SCGB1A1: variants seen among roughly 807,000 people sequenced by gnomAD.
The protein encoded by SCGB1A1 is secretoglobin family 1A member 1.
SCGB1A1 carries 8 observed loss-of-function variants against 7.5 expected under a neutral mutation model. The observed-to-expected ratio is 1.07, with a 90% CI of 0.63 to 1.92. SCGB1A1 has a LOEUF of 1.92. Among genes scored for constraint, SCGB1A1 ranks in the 30% most tolerant of loss-of-function variants. The pLI, the probability that SCGB1A1 is intolerant of heterozygous loss-of-function variation, is 0.00. For synonymous variants in SCGB1A1, 44 were observed against 40.8 expected, an observed-to-expected ratio of 1.08 and a Z score of -0.30; for missense variants, 121 against 112.7, an observed-to-expected ratio of 1.07 and a Z score of -0.33.
chr11:62,419,688 C>A (rs1171084910), intron 1 of SCGB1A1, among the ~76,000 whole-genome samples: 1 of 152,106 alleles, frequency 6.6e-6, no homozygotes, highest in Non-Finnish European at 1.5e-5. Context: ...AACTGCCAAC[C>A]CAGAGTGAAG....
rs1937842633 is a variant in SCGB1A1, at chr11:62,423,087, A to G, written c.272A>G (p.Asn91Ser). ...MEKIAQSSLC[N>S] is the part of the protein sequence containing the mutation. ...AAAATAGCCCAAAGCTCACTGTGTA[A>G]TTAGCATTTAGAAGCTGAAGATCCC... is the stretch of plus-strand genomic sequence containing the variant. The change falls in exon 3 of 3, where the codon AAT becomes AGT. Residue 91 changes from asparagine to serine, a missense_variant. Transcript: ENST00000278282. The G allele has an allele frequency of 6.2e-7, 1 of 1,613,976 alleles. No homozygotes were observed. The highest frequency in any genetic ancestry group is 1.1e-5 in the South Asian group (1 of 91,088).
rs776152457 is a variant in SCGB1A1 at position 62,422,191 on chromosome 11, G to C, written c.56-30G>C. On this transcript the variant is annotated intron_variant, in intron 1 of 2. Coordinates refer to ENST00000278282, the MANE Select transcript of SCGB1A1 (RefSeq NM_003357.5). ...TAGCCAGCTTGGAAAGGGGCCTGGA[G>C]ACATGTGCCTTCTCTCCTCTGTGTT... 1.9e-6 allele frequency: 3 copies of C among 1,576,030 alleles called. No individual in the cohort carries two copies. The East Asian group carries it at 6.8e-5, about 36-fold the overall frequency.
chr11:62,419,286 G>A, intron 1 of SCGB1A1, 136 bp downstream of exon 1: 1 of 645,348 alleles, frequency 1.5e-6, no homozygotes, highest in East Asian at 3.4e-5. Flanking sequence ...CTGAGTCTCA[G>A]AAAACTGGGT....
At chr11:62,422,097 G>A (rs1226809508) in intron 1 of SCGB1A1, 124 bp from the exon 2 acceptor site, 7 of 692,774 alleles carry the variant, frequency 1.0e-5, no homozygotes, top group South Asian at 5.3e-5. Flanking sequence ...CTAGTCCATC[G>A]ATGAAAAGGC....
At chr11:62,422,747 G>A (rs1937833066) in intron 2 of SCGB1A1, among the ~76,000 whole-genome samples, 1 of 152,024 alleles carries the variant, frequency 6.6e-6, no homozygotes, top group South Asian at 2.1e-4. Flanking sequence ...GCTAATTTCT[G>A]TATTTTTGTA....
Position 62,422,481 on chromosome 11 carries a change from T to G in SCGB1A1, c.243+73T>G, listed in dbSNP as rs1267057751. On this transcript the variant is annotated intron_variant, in intron 2 of 2. Transcript: ENST00000278282. Reference sequence around the variant, plus strand: ...GTGGGGCTGCAGGATTGCCCCAGTTTTCAGACCTGTTTCTAATCCAGAGAG... The same window carrying G: ...GTGGGGCTGCAGGATTGCCCCAGTTGTCAGACCTGTTTCTAATCCAGAGAG... 6.9e-6 allele frequency: 9 copies of G among 1,309,222 alleles called. No individual in the cohort carries two copies. The East Asian group carries it at 2.1e-4, about 31-fold the overall frequency. 81.1% of individuals were successfully genotyped at this position (1,309,222 alleles called of 1,614,324 possible).
In SCGB1A1 at chr11:62,422,162, G is replaced by C. The variant is rs901193099; in HGVS notation, c.56-59G>C. 3.3e-6 allele frequency: 5 copies of C among 1,499,912 alleles called. No individual in the cohort carries two copies. The Admixed American group carries it at 7.6e-5, about 23-fold the overall frequency. The allele number at this position is 1,499,912 out of a possible 1,614,324, so 92.9% of individuals were successfully genotyped here. On this transcript the variant is annotated intron_variant, in intron 1 of 2. Transcript: ENST00000278282. Reference sequence around the variant, plus strand: ...TTGCATCTGGGCAGACCCAGCCAGAGGGCTAGCCAGCTTGGAAAGGGGCCT... The same window carrying C: ...TTGCATCTGGGCAGACCCAGCCAGACGGCTAGCCAGCTTGGAAAGGGGCCT...
rs763273665 is a variant in SCGB1A1 at position 62,423,093 on chromosome 11, A to G, written c.*2A>G. The G allele has an allele frequency of 5.6e-6, 9 of 1,613,938 alleles. No individual in the cohort carries two copies. Among genetic ancestry groups the G allele is most frequent in the Non-Finnish European group, 6.8e-6 (8 of 1,179,964 alleles). On this transcript the variant is annotated 3_prime_UTR_variant, in exon 3 of 3. Transcript: ENST00000278282. ...GCCCAAAGCTCACTGTGTAATTAGC[A>G]TTTAGAAGCTGAAGATCCCCAACTG...
chr11:62,422,322 C>A lies in SCGB1A1; in HGVS notation c.157C>A (p.Gln53Lys). Reference sequence around the variant, plus strand: ...TGCCATGGAACTTTTCAGCCCTGATCAAGACATGAGGGAGGCAGGGGCTCA... The same window carrying A: ...TGCCATGGAACTTTTCAGCCCTGATAAAGACATGAGGGAGGCAGGGGCTCA... ...EAAMELFSPD[Q>K]DMREAGAQLK... Residue 53 changes from glutamine (Q) to lysine (K), a missense_variant, in exon 2 of 3, where the codon CAA becomes AAA. Gln to Lys is a moderately conservative substitution (Grantham distance 53). Transcript: ENST00000278282. 6.2e-7 allele frequency: 1 copy of A among 1,614,144 alleles called. No individual in the cohort carries two copies. Among genetic ancestry groups the A allele is most frequent in the South Asian group, 1.1e-5 (1 of 91,070 alleles).
At chr11:62,422,536 G>T in intron 2 of SCGB1A1, 128 bp downstream of exon 2, 1 of 680,274 alleles carries the variant, frequency 1.5e-6, no homozygotes, top group Non-Finnish European at 2.4e-6. Context: ...TCCCCAGGCA[G>T]GCAGCACAGT....
chr11:62,422,967 T>C, intron 2 of SCGB1A1, 92 bp from the exon 3 acceptor site: 2 of 1,208,434 alleles, frequency 1.7e-6, no homozygotes, highest in Non-Finnish European at 2.5e-6. Flanking sequence ...TCGGTTAATG[T>C]TGAAGTTTCT....
intron 2 of SCGB1A1, 80 bp downstream of exon 2, chr11:62,422,488 C>T (rs1937824223): frequency 1.5e-6 from 2 of 1,303,154 alleles, no homozygotes; most frequent in Admixed American, 2.0e-5. Context: ...GTTTTCAGAC[C>T]TGTTTCTAAT....
chr11:62,420,712 A>T (rs952183310), intron 1 of SCGB1A1, among the ~76,000 whole-genome samples: 2 of 151,236 alleles, frequency 1.3e-5, no homozygotes, highest in Non-Finnish European at 2.9e-5. Context: ...AGGTGGGTAG[A>T]TCACTTGAGG....
At chr11:62,419,201 A>C in intron 1 of SCGB1A1, 51 bp downstream of exon 1, 1 of 1,360,090 alleles carries the variant, frequency 7.4e-7, no homozygotes, top group Non-Finnish European at 9.7e-7. Flanking sequence ...AACTCTCAGG[A>C]CCCCCCAGTT....
At chr11:62,420,738 C>T (rs1006434125) in intron 1 of SCGB1A1, among the ~76,000 whole-genome samples, 8 of 150,910 alleles carry the variant, frequency 5.3e-5, no homozygotes, top group Non-Finnish European at 1.0e-4. Flanking sequence ...AGTTCAGGAC[C>T]AACCTGGCCA....
At chr11:62,419,648 A>G (rs113487143) in intron 1 of SCGB1A1, among the ~76,000 whole-genome samples, 66 of 152,334 alleles carry the variant, frequency 4.3e-4, no homozygotes, top group African/African-American at 1.6e-3. Context: ...GCACAGAGGA[A>G]TATTCCAGAA....
At chr11:62,420,804 G>A (rs987164295) in intron 1 of SCGB1A1, among the ~76,000 whole-genome samples, 7 of 151,264 alleles carry the variant, frequency 4.6e-5, no homozygotes, top group South Asian at 2.1e-4. Flanking sequence ...GCATGGTGGC[G>A]CATGCCTGTA....
chr11:62,422,339 A>C lies in SCGB1A1; in HGVS notation c.174A>C (p.Ala58=). ...GCCCTGATCAAGACATGAGGGAGGCAGGGGCTCAGCTGAAGAAGCTGGTGG... is the reference window on the plus strand; with the variant it reads ...GCCCTGATCAAGACATGAGGGAGGCCGGGGCTCAGCTGAAGAAGCTGGTGG... ...LFSPDQDMRE[A]GAQLKKLVDT... The change falls in exon 2 of 3, where the codon GCA becomes GCC. Residue 58 remains alanine, a synonymous_variant. Coordinates refer to ENST00000278282, the MANE Select transcript of SCGB1A1 (RefSeq NM_003357.5). 1 of 1,614,138 alleles carries C rather than the reference A, an allele frequency of 6.2e-7. No individual in the cohort carries two copies. Among genetic ancestry groups the C allele is most frequent in the South Asian group, 1.1e-5 (1 of 91,070 alleles).
intron 1 of SCGB1A1, among the ~76,000 whole-genome samples, chr11:62,420,577 G>T (rs1937762142): frequency 1.3e-5 from 2 of 150,674 alleles, no homozygotes; most frequent in South Asian, 4.2e-4. Flanking sequence ...CTCCCAAAGT[G>T]CTGGGATTAG....
Sources: gnomAD v4.1 joint callset for allele counts (sites outside exome capture counted in the v4.1 genomes callset) on GRCh38, gnomAD v4.1.1 for gene constraint, MANE v1.5 for transcripts, NCBI Gene and HGNC (gene_info 2026-07-23, HGNC 2026-07-21) for gene names.